Variants in TULP4 observed in about 807,000 individuals in gnomAD.
TULP4 encodes TUB like protein 4, also known as tubby-related protein 4.
In TULP4, 16 loss-of-function variants were observed where a neutral mutation model predicts 129.0. The ratio of observed to expected loss-of-function variants is 0.12; its 90% CI spans 0.08 to 0.19. The LOEUF (loss-of-function observed/expected upper bound fraction) is 0.19. TULP4 is among the 10% of genes least tolerant of loss of function. The probability of loss-of-function intolerance (pLI) is 1.00; values close to 1 mark genes in which losing one functional copy is unlikely to be tolerated. For synonymous variants in TULP4, 998 were observed against 854.0 expected (o/e 1.17, Z -2.94); for missense variants, 1,842 against 2,059.1 (o/e 0.89, Z 2.04).
chr6:158,270,832 G>A (rs1778533887), intron 1 of TULP4, among the ~76,000 whole-genome samples: 1 of 152,184 alleles, frequency 6.6e-6, no homozygotes, highest in African/African-American at 2.4e-5. Flanking sequence ...TTGCCTCAGA[G>A]TTTATAAAGC....
chr6:158,257,731 C>G (rs1778275300), intron 1 of TULP4, among the ~76,000 whole-genome samples: 1 of 152,218 alleles, frequency 6.6e-6, no homozygotes, highest in Non-Finnish European at 1.5e-5. Context: ...GCTGTACCCT[C>G]CATGTATGTT....
chr6:158,422,183 A>G (rs1778359346), intron 2 of TULP4, among the ~76,000 whole-genome samples: 1 of 152,258 alleles, frequency 6.6e-6, no homozygotes, highest in Non-Finnish European at 1.5e-5. Context: ...AACAAATCCA[A>G]AAATTAGTTC....
At chr6:158,495,102 C>G (rs1780303358) in intron 11 of TULP4, among the ~76,000 whole-genome samples, 1 of 151,700 alleles carries the variant, frequency 6.6e-6, no homozygotes, top group Admixed American at 6.6e-5. Flanking sequence ...CTTACCCAGG[C>G]TGGAGTATAG....
intron 1 of TULP4, among the ~76,000 whole-genome samples, chr6:158,376,106 C>T (rs1177919794): frequency 6.6e-6 from 1 of 152,194 alleles, no homozygotes; most frequent in African/African-American, 2.4e-5. Flanking sequence ...GCTGACCCAG[C>T]CCCCTTTTCC....
At chr6:158,243,846 AGGTGTGTGT>A (rs1300210046) in intron 1 of TULP4, among the ~76,000 whole-genome samples, 1 of 85,748 alleles carries the variant, frequency 1.2e-5, no homozygotes, top group Non-Finnish European at 2.3e-5. Flanking sequence ...TAGCTGAAAT[AGGTGTGTGT>A]GTGTGTGTGT....
chr6:158,461,620 G>T lies in TULP4; in HGVS notation c.917G>T (p.Arg306Leu). 6.2e-7 allele frequency: 1 copy of T among 1,613,990 alleles called. No homozygotes were observed. Among genetic ancestry groups the T allele is most frequent in the Non-Finnish European group, 8.5e-7 (1 of 1,180,000 alleles). ...GDLLAVAGMERQTQLGELPNG... is the reference protein window; with the variant it reads ...GDLLAVAGMELQTQLGELPNG... ...TTGCTGGCAGTCGCTGGGATGGAAC[G>T]GCAGACCCAGCTTGGTGAGCTTCCC... is the stretch of plus-strand genomic sequence containing the variant. Residue 306 changes from arginine to leucine, a missense_variant, in exon 6 of 14, where the codon CGG becomes CTG. Transcript: ENST00000367097.
At chr6:158,411,577 C>T (rs1778101725) in intron 1 of TULP4, among the ~76,000 whole-genome samples, 1 of 152,240 alleles carries the variant, frequency 6.6e-6, no homozygotes. Context: ...TGATATTCTT[C>T]ACACTTTAAG....
At chr6:158,282,478 A>T (rs1240631330) in intron 1 of TULP4, 1 of 151,996 alleles carries the variant, frequency 6.6e-6, no homozygotes, top group African/African-American at 2.4e-5. Context: ...AGCTGTGATT[A>T]TAACCTTTGA....
intron 1 of TULP4, among the ~76,000 whole-genome samples, chr6:158,395,670 G>C (rs952717734): frequency 1.2e-5 from 1 of 80,032 alleles, no homozygotes; most frequent in East Asian, 9.1e-4. Flanking sequence ...GTGATGGGCG[G>C]GGGGGGGGTC....
intron 11 of TULP4, among the ~76,000 whole-genome samples, chr6:158,496,942 C>T (rs920971755): frequency 3.3e-5 from 5 of 152,160 alleles, no homozygotes; most frequent in East Asian, 1.9e-4. Flanking sequence ...CAAGCTCCTG[C>T]GCTCGAGTGA....
chr6:158,427,452 C>A (rs1349470743), intron 2 of TULP4, among the ~76,000 whole-genome samples: 1 of 127,910 alleles, frequency 7.8e-6, no homozygotes, highest in Non-Finnish European at 1.6e-5. Flanking sequence ...GGACAAATTC[C>A]TTTTCAAAAT....
In TULP4 at chr6:158,503,024, C is replaced by G. The variant is rs758491143; in HGVS notation, c.3361C>G (p.Pro1121Ala). Residue 1121 changes from proline to alanine, a missense_variant, in exon 13 of 14, where the codon CCT becomes GCT. Physicochemically the swap from Pro to Ala is conservative, Grantham distance 27. Around this residue, in one of 5 missense-constraint regions of TULP4, gnomAD observed 1,089 missense variants for 987.1 expected, o/e 1.10. Coordinates refer to ENST00000367097, the MANE Select transcript of TULP4 (RefSeq NM_020245.5). The surrounding 1 kb of genome is among the most constrained non-coding windows in gnomAD (Gnocchi z 4.3). ...TGCTGTCACCCTGAAACGGCCACCCCCTTACCAGTGGGACCCCATGCTGGG... is the reference window on the plus strand; with the variant it reads ...TGCTGTCACCCTGAAACGGCCACCCGCTTACCAGTGGGACCCCATGCTGGG... ...EAAVTLKRPP[P>A]YQWDPMLGED... 2.8e-5 allele frequency: 45 copies of G among 1,614,196 alleles called. No individual in the cohort carries two copies. The South Asian group carries it at 3.2e-4, about 11-fold the overall frequency.
rs199583035 is a variant in TULP4 at position 158,502,508 on chromosome 6, C to G, written c.2845C>G (p.Pro949Ala). Residue 949 changes from proline to alanine, a missense_variant, in exon 13 of 14, where the codon CCT becomes GCT. Around this residue, in one of 5 missense-constraint regions of TULP4, gnomAD observed 1,089 missense variants for 987.1 expected, o/e 1.10. Coordinates refer to ENST00000367097, the MANE Select transcript of TULP4 (RefSeq NM_020245.5). The part of the protein sequence containing the change: ...SSATLNRLTV[P>A]RYSIPTGDPP... ...TGCCACCCTGAACCGCCTGACCGTC[C>G]CTCGCTACTCCATCCCCACCGGGGA... The G allele has an allele frequency of 1.9e-6, 3 of 1,612,536 alleles. No individual in the cohort carries two copies. The South Asian group carries it at 3.3e-5, about 18-fold the overall frequency.
chr6:158,392,387 A>G (rs1169658317), intron 1 of TULP4, among the ~76,000 whole-genome samples: 2 of 152,210 alleles, frequency 1.3e-5, no homozygotes, highest in Non-Finnish European at 2.9e-5. Context: ...TCATGAAGTA[A>G]CAGAATATTT....
At chr6:158,293,039 A>T (rs1382467938) in intron 1 of TULP4, among the ~76,000 whole-genome samples, 1 of 152,150 alleles carries the variant, frequency 6.6e-6, no homozygotes, top group Non-Finnish European at 1.5e-5. Context: ...TCAGGTGTAG[A>T]TTCACTCTAA....
At chr6:158,237,728 T>G in intron 1 of TULP4, 1 of 904,286 alleles carries the variant, frequency 1.1e-6, no homozygotes, top group Non-Finnish European at 1.9e-6. Context: ...TGACTATCTC[T>G]AGTAACTTTT....
intron 1 of TULP4, among the ~76,000 whole-genome samples, chr6:158,260,906 C>G (rs917209604): frequency 1.3e-5 from 2 of 151,868 alleles, no homozygotes; most frequent in Non-Finnish European, 2.9e-5. Flanking sequence ...CTGCAACCCC[C>G]GCCTCCCAGG....
Sources: allele counts gnomAD v4.1 joint callset (sites outside exome capture counted in the v4.1 genomes callset), GRCh38; gene constraint gnomAD v4.1.1; regional missense constraint gnomAD v4.1.1; non-coding constraint Gnocchi (gnomAD v3.1); transcripts MANE v1.5; gene names NCBI Gene and HGNC (gene_info 2026-07-23, HGNC 2026-07-21).